Variants in RCAN1 observed in about 807,000 individuals in gnomAD.
RCAN1 encodes regulator of calcineurin 1, also known as calcipressin-1.
Under a neutral mutation model 22.9 loss-of-function variants are expected in RCAN1, and 11 were observed. That is an observed-to-expected ratio of 0.48 (90% CI 0.30 to 0.79). RCAN1 has a LOEUF of 0.79. Ranked by LOEUF, RCAN1 falls within the 30% of genes least tolerant of loss-of-function variation. The pLI is 0.06. For synonymous variants in RCAN1, 136 were observed against 142.3 expected (o/e 0.96, Z 0.32); for missense variants, 291 against 337.8 (o/e 0.86, Z 1.09).
intron 1 of RCAN1, chr21:34,613,725 G>T: frequency 6.9e-7 from 1 of 1,449,206 alleles, no homozygotes. Flanking sequence ...CTAAGCACAC[G>T]GCCATTGTAA....
At chr21:34,585,660 G>A (rs1242426378) in intron 1 of RCAN1, among the ~76,000 whole-genome samples, 3 of 146,000 alleles carry the variant, frequency 2.1e-5, no homozygotes, top group African/African-American at 7.5e-5. Context: ...GGAGAATGGT[G>A]TGAACCCAGG....
rs141880744 is a variant in RCAN1 at position 34,553,801 on chromosome 21, C to T, written c.253-30091G>A. ...AGAGTCAGCTCTACTTGTGATGAAA[C>T]AAATAACCTATAAAGCGAAATCTTT... On this transcript the variant is annotated intron_variant, in intron 1 of 3. Transcript: ENST00000313806. Among the ~76,000 whole-genome samples, 160 of 152,168 alleles carry T rather than the reference C, an allele frequency of 1.1e-3. 1 individual carries two copies. In the East Asian group the frequency reaches 0.028, roughly 27 times the overall value.
At chr21:34,557,736 T>A (rs1041928978) in intron 1 of RCAN1, among the ~76,000 whole-genome samples, 1 of 152,240 alleles carries the variant, frequency 6.6e-6, no homozygotes, top group African/African-American at 2.4e-5. Flanking sequence ...AAAAAGATGA[T>A]GCTGATAGAT....
chr21:34,540,148 ACTT>A (rs1376485235), intron 1 of RCAN1, among the ~76,000 whole-genome samples: 12 of 152,116 alleles, frequency 7.9e-5, no homozygotes, highest in Non-Finnish European at 1.6e-4. Flanking sequence ...TACATAATAA[ACTT>A]CTCCCCATTA....
At chr21:34,559,931 C>A (rs1171188236) in intron 1 of RCAN1, 1 of 152,142 alleles carries the variant, frequency 6.6e-6, no homozygotes, top group African/African-American at 2.4e-5. Flanking sequence ...CTGAAAAAGG[C>A]ACGGTTCAGG....
chr21:34,609,554 G>T (rs59777187), intron 1 of RCAN1, among the ~76,000 whole-genome samples: 3 of 152,282 alleles, frequency 2.0e-5, no homozygotes, highest in South Asian at 4.1e-4. Context: ...AAGAGACAAA[G>T]AATATAGCCT....
At chr21:34,553,738 G>C (rs892985888) in intron 1 of RCAN1, among the ~76,000 whole-genome samples, 7 of 152,228 alleles carry the variant, frequency 4.6e-5, no homozygotes, top group Admixed American at 3.3e-4. Context: ...CTGTAGCACA[G>C]TGCTGGGTTC....
In RCAN1 at chr21:34,569,170, G is replaced by A. The variant is rs186649106; in HGVS notation, c.253-45460C>T. Among the ~76,000 whole-genome samples, 40 of 152,296 alleles carry A rather than the reference G, an allele frequency of 2.6e-4. 1 individual carries two copies. The highest frequency in any genetic ancestry group is 2.4e-3 in the Admixed American group (37 of 15,294). ...AAAGAGCCAAACCATATCACTTAGT[G>A]TGTAAATTTTAGAGTAGCCTCTGAG... On this transcript the variant is annotated intron_variant, in intron 1 of 3. Coordinates refer to ENST00000313806, the MANE Select transcript of RCAN1 (RefSeq NM_004414.7).
At chr21:34,520,325 C>A (rs1414663544) in intron 3 of RCAN1, among the ~76,000 whole-genome samples, 1 of 152,180 alleles carries the variant, frequency 6.6e-6, no homozygotes, top group Non-Finnish European at 1.5e-5. Context: ...TTCTCCCATT[C>A]CTAACCTAGG....
At position 34,518,911 on chromosome 21, in the gene RCAN1, A is replaced by C. The variant is rs569010791; in HGVS notation, c.587-655T>G. Reference sequence around the variant, plus strand: ...CCACTCTGGTCCAGCAAGGGTGGGGAGAGCTTTCTGCAACTGAAAAACCCG... The same window carrying C: ...CCACTCTGGTCCAGCAAGGGTGGGGCGAGCTTTCTGCAACTGAAAAACCCG... On this transcript the variant is annotated intron_variant, in intron 3 of 3. Coordinates refer to ENST00000313806, the MANE Select transcript of RCAN1 (RefSeq NM_004414.7). The surrounding 1 kb of genome is among the most constrained non-coding windows in gnomAD (Gnocchi z 4.2). 6.6e-6 allele frequency among the ~76,000 whole-genome samples: 1 copy of C among 152,294 alleles called. No individual in the cohort carries two copies. The highest frequency in any genetic ancestry group is 1.9e-4 in the East Asian group (1 of 5,186).
chr21:34,609,654 G>A (rs1424016503), intron 1 of RCAN1, among the ~76,000 whole-genome samples: 1 of 152,174 alleles, frequency 6.6e-6, no homozygotes, highest in African/African-American at 2.4e-5. Context: ...TAATTGTCCT[G>A]AGGCTGGAAA....
At chr21:34,545,088 G>A (rs1416249141) in intron 1 of RCAN1, among the ~76,000 whole-genome samples, 1 of 152,180 alleles carries the variant, frequency 6.6e-6, no homozygotes, top group Non-Finnish European at 1.5e-5. Context: ...ATCATGGTGC[G>A]GGCTGGACCA....
At chr21:34,598,196 T>C (rs2123721066) in intron 1 of RCAN1, among the ~76,000 whole-genome samples, 1 of 152,322 alleles carries the variant, frequency 6.6e-6, no homozygotes, top group South Asian at 2.1e-4. Context: ...AGAGGACAGT[T>C]TGAAAGTAAC....
intron 1 of RCAN1, chr21:34,525,479 G>A: frequency 8.4e-7 from 1 of 1,191,586 alleles, no homozygotes; most frequent in Non-Finnish European, 1.1e-6. Flanking sequence ...GCAAAAGTGT[G>A]TCTTCGTACA....
intron 1 of RCAN1, among the ~76,000 whole-genome samples, chr21:34,591,000 C>T (rs1441426437): frequency 6.6e-6 from 1 of 152,156 alleles, no homozygotes; most frequent in East Asian, 1.9e-4. Flanking sequence ...ATGATCCGTG[C>T]ACAGCGAGGC....
chr21:34,535,004 T>C (rs1236220272), intron 1 of RCAN1, among the ~76,000 whole-genome samples: 4 of 152,218 alleles, frequency 2.6e-5, no homozygotes, highest in African/African-American at 4.8e-5. Flanking sequence ...GTCAATTGGA[T>C]GCATGTCCAC....
At chr21:34,558,835 G>C (rs991264541) in intron 1 of RCAN1, among the ~76,000 whole-genome samples, 7 of 152,040 alleles carry the variant, frequency 4.6e-5, no homozygotes, top group African/African-American at 7.3e-5. Flanking sequence ...AACGGTAAAG[G>C]CTCCCTGGGC....
chr21:34,587,411 G>A (rs975988833), intron 1 of RCAN1, among the ~76,000 whole-genome samples: 1 of 152,042 alleles, frequency 6.6e-6, no homozygotes, highest in Admixed American at 6.5e-5. Flanking sequence ...GAAACAAAAG[G>A]AGGGGCCCTT....
chr21:34,530,858 C>T (rs998622161), intron 1 of RCAN1, among the ~76,000 whole-genome samples: 6 of 151,958 alleles, frequency 3.9e-5, no homozygotes, highest in Non-Finnish European at 8.8e-5. Context: ...CTCCTGACCT[C>T]GTGATCCACC....
Sources: allele counts gnomAD v4.1 joint callset (sites outside exome capture counted in the v4.1 genomes callset), GRCh38; gene constraint gnomAD v4.1.1; non-coding constraint Gnocchi (gnomAD v3.1); transcripts MANE v1.5; gene names NCBI Gene and HGNC (gene_info 2026-07-23, HGNC 2026-07-21).